The following RIMS3 variants were observed in gnomAD, a reference collection of about 807,000 sequenced individuals.
RIMS3 encodes the protein regulating synaptic membrane exocytosis protein 3.
In RIMS3, 15 loss-of-function variants were observed where a neutral mutation model predicts 29.2. That is an observed-to-expected ratio of 0.51 (90% CI 0.34 to 0.79). RIMS3 has a LOEUF of 0.79. Ranked by LOEUF, RIMS3 falls within the 30% of genes least tolerant of loss-of-function variation. RIMS3 has a pLI of 0.01. For synonymous variants in RIMS3, 161 were observed against 170.1 expected, an observed-to-expected ratio of 0.95 and a Z score of 0.41; for missense variants, 342 against 421.4, an observed-to-expected ratio of 0.81 and a Z score of 1.65.
Position 40,633,096 on chromosome 1 carries a change from G to A in RIMS3, c.445C>T (p.Arg149Ter), listed in dbSNP as rs375487640. Residue 149 changes from arginine to a stop codon, truncating the protein, a stop_gained, in exon 5 of 8, where the codon CGA becomes TGA. Coordinates refer to ENST00000372684, the MANE Select transcript of RIMS3 (RefSeq NM_014747.3). LOFTEE classifies it high-confidence loss of function. Reference protein sequence around the residue: ...DGLGPAQIVGRQTLATPPMGD... With the variant: ...DGLGPAQIVG ...ATGGGTGGTGTTGCCAGTGTCTGTC[G>A]CCCCACAATCTGAGCTGGTCCCAGC... 1 of 1,614,158 alleles carries A rather than the reference G, an allele frequency of 6.2e-7. No homozygotes were observed. Among genetic ancestry groups the A allele is most frequent in the Non-Finnish European group, 8.5e-7 (1 of 1,180,004 alleles).
intron 3 of RIMS3, among the ~76,000 whole-genome samples, chr1:40,640,096 C>G (rs537026016): frequency 5.3e-5 from 8 of 152,278 alleles, no homozygotes; most frequent in African/African-American, 1.9e-4. Flanking sequence ...CATGAAGAAG[C>G]CTTTGGGTCT....
At chr1:40,640,077 C>T (rs1184322422) in intron 3 of RIMS3, among the ~76,000 whole-genome samples, 1 of 152,196 alleles carries the variant, frequency 6.6e-6, no homozygotes, top group Non-Finnish European at 1.5e-5. Flanking sequence ...CCCCCCAAAT[C>T]ACTTTGGGCA....
the RIMS3 span, among the ~76,000 whole-genome samples, chr1:40,679,382 G>A: frequency 6.6e-6 from 1 of 152,220 alleles, no homozygotes; most frequent in Non-Finnish European, 1.5e-5. Context: ...TCTGGGGAAT[G>A]TAGTTTTCAG....
chr1:40,683,025 G>A, the RIMS3 span, among the ~76,000 whole-genome samples: 110 of 152,058 alleles, frequency 7.2e-4, 2 homozygotes, highest in Non-Finnish European at 3.2e-4. Context: ...GTGCCTGGCT[G>A]AACTTTTGCA....
chr1:40,626,331 C>T lies in RIMS3; in HGVS notation c.*186G>A. 1.5e-6 allele frequency: 1 copy of T among 649,884 alleles called. No individual in the cohort carries two copies. The highest frequency in any genetic ancestry group is 2.8e-6 in the Non-Finnish European group (1 of 360,432). 40.3% of individuals were successfully genotyped at this position (649,884 alleles called of 1,614,324 possible). Reference sequence around the variant, plus strand: ...CAGATAGAACGTGGTCACGTACACACACACACACACGCACGCACACACGCA... The same window carrying T: ...CAGATAGAACGTGGTCACGTACACATACACACACACGCACGCACACACGCA... On this transcript the variant is annotated 3_prime_UTR_variant, in exon 8 of 8. Transcript: ENST00000372684.
chr1:40,661,314 C>T (rs1048825492), intron 1 of RIMS3, among the ~76,000 whole-genome samples: 2 of 152,144 alleles, frequency 1.3e-5, no homozygotes, highest in African/African-American at 4.8e-5. Context: ...ACATCCCACC[C>T]ACCTTGGGAC....
At chr1:40,659,315 G>A (rs1251134248) in intron 1 of RIMS3, among the ~76,000 whole-genome samples, 13 of 152,174 alleles carry the variant, frequency 8.5e-5, no homozygotes, top group Non-Finnish European at 1.5e-4. Flanking sequence ...CATCATAAAG[G>A]GCTTTGAATA....
the RIMS3 span, among the ~76,000 whole-genome samples, chr1:40,674,898 G>C: frequency 5.3e-5 from 8 of 152,138 alleles, no homozygotes; most frequent in African/African-American, 1.9e-4. Flanking sequence ...AGCACAAAAT[G>C]AACTAAGACA....
chr1:40,666,433 A>G (rs1478103890), upstream of RIMS3, among the ~76,000 whole-genome samples: 1 of 152,190 alleles, frequency 6.6e-6, no homozygotes, highest in Non-Finnish European at 1.5e-5. Flanking sequence ...GTCAGGCCCG[A>G]AATGTCAGCA....
the RIMS3 span, among the ~76,000 whole-genome samples, chr1:40,684,511 A>C: frequency 0.012 from 1,860 of 152,346 alleles, 33 homozygotes; most frequent in African/African-American, 0.042. Flanking sequence ...GGTTTCCTAG[A>C]AAACAAAGCC....
the RIMS3 span, chr1:40,681,426 GGC>G: frequency 6.6e-6 from 1 of 152,160 alleles, no homozygotes; most frequent in African/African-American, 2.4e-5. Flanking sequence ...TCTGCTCCCT[GGC>G]TCCCAAACCT....
At chr1:40,689,023 G>A in the RIMS3 span, among the ~76,000 whole-genome samples, 1 of 152,196 alleles carries the variant, frequency 6.6e-6, no homozygotes, top group Non-Finnish European at 1.5e-5. Context: ...TTTCATGGTT[G>A]TATTAGTCTG....
the RIMS3 span, among the ~76,000 whole-genome samples, chr1:40,684,942 A>T: frequency 1.3e-5 from 2 of 152,296 alleles, no homozygotes; most frequent in East Asian, 3.9e-4. Flanking sequence ...AGGAGAAGCC[A>T]TAGACTCCAT....
the RIMS3 span, among the ~76,000 whole-genome samples, chr1:40,683,234 C>T: frequency 6.6e-6 from 1 of 152,222 alleles, no homozygotes; most frequent in African/African-American, 2.4e-5. Context: ...AATATGCAGT[C>T]ATTCGCTACA....
chr1:40,654,355 G>T lies in RIMS3; in HGVS notation c.-206-6513C>A, dbSNP rs1265308824. ...ACAGACACCGCCCAAAGAGGTGCACGCATTCCCTGCAACCTCTCCACCCCC... is the reference window on the plus strand; with the variant it reads ...ACAGACACCGCCCAAAGAGGTGCACTCATTCCCTGCAACCTCTCCACCCCC... On this transcript the variant is annotated intron_variant, in intron 1 of 7. Coordinates refer to ENST00000372684, the MANE Select transcript of RIMS3 (RefSeq NM_014747.3). The surrounding 1 kb of genome is among the most constrained non-coding windows in gnomAD (Gnocchi z 5.3). 6.6e-6 allele frequency among the ~76,000 whole-genome samples: 1 copy of T among 152,122 alleles called. No individual in the cohort carries two copies. The highest frequency in any genetic ancestry group is 6.5e-5 in the Admixed American group (1 of 15,280).
At chr1:40,663,717 G>A (rs1156583370) in intron 1 of RIMS3, among the ~76,000 whole-genome samples, 1 of 152,184 alleles carries the variant, frequency 6.6e-6, no homozygotes, top group East Asian at 1.9e-4. Flanking sequence ...AGCAAGGAGG[G>A]AGGGAGAGAG....
chr1:40,627,556 G>T (rs996758790), intron 7 of RIMS3, among the ~76,000 whole-genome samples: 1 of 151,960 alleles, frequency 6.6e-6, no homozygotes, highest in Non-Finnish European at 1.5e-5. Flanking sequence ...AAACACCAAA[G>T]ATTATTCTTC....
Position 40,626,229 on chromosome 1 carries a change from T to C in RIMS3, c.*288A>G, listed in dbSNP as rs138448540. On this transcript the variant is annotated 3_prime_UTR_variant, in exon 8 of 8. Transcript: ENST00000372684. ...CACACAACACTCCTTTGGGTTTCTT[T>C]TCAACAAGACACAAAGAGACGTGGA... is the stretch of plus-strand genomic sequence containing the variant. 328 of 476,662 alleles carry C rather than the reference T, an allele frequency of 6.9e-4. 2 individuals are homozygous for C. The highest frequency in any genetic ancestry group is 6.0e-3 in the African/African-American group (308 of 50,980). 29.5% of individuals were successfully genotyped at this position (476,662 alleles called of 1,614,324 possible).
the RIMS3 span, among the ~76,000 whole-genome samples, chr1:40,674,727 T>A: frequency 6.6e-6 from 1 of 152,266 alleles, no homozygotes. Context: ...CCTCTCATGC[T>A]GTCTTGCTCT....
Sources: allele counts gnomAD v4.1 joint callset (sites outside exome capture counted in the v4.1 genomes callset), GRCh38; gene constraint gnomAD v4.1.1; non-coding constraint Gnocchi (gnomAD v3.1); transcripts MANE v1.5; gene names NCBI Gene and HGNC (gene_info 2026-07-23, HGNC 2026-07-21).